SYCP1: variants seen among roughly 807,000 people sequenced by gnomAD.
The protein encoded by SYCP1 is synaptonemal complex protein 1, also known as cancer/testis antigen 8.
Under a neutral mutation model 153.1 loss-of-function variants are expected in SYCP1, and 64 were observed. That is an observed-to-expected ratio of 0.42 (90% confidence interval 0.34 to 0.51). The LOEUF is 0.51. SYCP1 is among the 20% of genes least tolerant of loss of function. The pLI is 0.06. For synonymous variants in SYCP1, 384 were observed against 341.8 expected (o/e 1.12, Z -1.36); for missense variants, 997 against 1,049.0 (o/e 0.95, Z 0.68).
At chr1:114,893,255 T>C (rs1201125344) in intron 15 of SYCP1, among the ~76,000 whole-genome samples, 1 of 152,216 alleles carries the variant, frequency 6.6e-6, no homozygotes, top group Non-Finnish European at 1.5e-5. Context: ...GAGGTATCTC[T>C]ATCCTATCTC....
intron 20 of SYCP1, among the ~76,000 whole-genome samples, chr1:114,923,105 G>T (rs1311751262): frequency 1.3e-5 from 2 of 152,232 alleles, no homozygotes; most frequent in East Asian, 3.9e-4. Flanking sequence ...TTGATATTTA[G>T]TTTCTCTTTT....
intron 27 of SYCP1, among the ~76,000 whole-genome samples, chr1:114,971,296 G>C (rs944725261): frequency 1.3e-5 from 2 of 152,134 alleles, no homozygotes; most frequent in African/African-American, 2.4e-5. Context: ...TGTGAGGGGT[G>C]GGGTAGTGGT....
intron 27 of SYCP1, among the ~76,000 whole-genome samples, chr1:114,955,206 G>C (rs941340282): frequency 6.6e-6 from 1 of 152,028 alleles, no homozygotes; most frequent in African/African-American, 2.4e-5. Context: ...GGATTACCTT[G>C]GTTGATTTTT....
chr1:114,855,299 G>T, intron 1 of SYCP1, 142 bp from the exon 2 acceptor site: 1 of 437,710 alleles, frequency 2.3e-6, no homozygotes, highest in Non-Finnish European at 4.1e-6. Context: ...ACGTTGTAGG[G>T]CTCCACTGTA....
At chr1:114,968,856 G>T (rs918819554) in intron 27 of SYCP1, among the ~76,000 whole-genome samples, 2 of 152,176 alleles carry the variant, frequency 1.3e-5, no homozygotes, top group Non-Finnish European at 2.9e-5. Flanking sequence ...TTCAGTTGGG[G>T]TTTTTGCGTG....
chr1:114,879,415 A>G (rs1665759947), intron 12 of SYCP1, among the ~76,000 whole-genome samples: 1 of 152,160 alleles, frequency 6.6e-6, no homozygotes, highest in East Asian at 1.9e-4. Context: ...AACTTCATCT[A>G]TATTTTGTGC....
chr1:114,987,399 G>A (rs1673587984), intron 30 of SYCP1, among the ~76,000 whole-genome samples: 1 of 152,038 alleles, frequency 6.6e-6, no homozygotes, highest in African/African-American at 2.4e-5. Context: ...AGGCACAATA[G>A]CTCACGCCTG....
intron 23 of SYCP1, among the ~76,000 whole-genome samples, chr1:114,935,275 A>T (rs1046892190): frequency 6.6e-6 from 1 of 152,320 alleles, no homozygotes; most frequent in African/African-American, 2.4e-5. Flanking sequence ...ACTCAACTAC[A>T]TGGAAACTGA....
At chr1:114,949,237 C>T (rs1670938503) in intron 27 of SYCP1, among the ~76,000 whole-genome samples, 4 of 152,076 alleles carry the variant, frequency 2.6e-5, no homozygotes, top group Admixed American at 2.6e-4. Flanking sequence ...ATAAGCCCTG[C>T]CTTGGGTGGA....
intron 27 of SYCP1, among the ~76,000 whole-genome samples, chr1:114,966,468 T>G (rs1040563785): frequency 3.9e-5 from 6 of 152,202 alleles, no homozygotes; most frequent in African/African-American, 1.4e-4. Context: ...TCCCACTTTC[T>G]GATGTGGGCA....
intron 23 of SYCP1, among the ~76,000 whole-genome samples, chr1:114,927,793 A>G (rs979381086): frequency 6.6e-6 from 1 of 151,932 alleles, no homozygotes; most frequent in African/African-American, 2.4e-5. Context: ...GGAGTCCCCA[A>G]GTAAGAAGAG....
intron 24 of SYCP1, 30 bp from the exon 25 acceptor site, chr1:114,944,842 A>G (rs372540469): frequency 6.8e-7 from 1 of 1,472,656 alleles, no homozygotes; most frequent in Non-Finnish European, 9.2e-7. Context: ...ATTTATTTTA[A>G]GAAACTTTTT....
intron 28 of SYCP1, 93 bp downstream of exon 28, chr1:114,977,709 C>A (rs1401509535): frequency 2.7e-6 from 2 of 750,106 alleles, no homozygotes; most frequent in Non-Finnish European, 4.2e-6. Flanking sequence ...AGGAAAATAA[C>A]ATTTTACATA....
At chr1:114,878,011 C>A in intron 11 of SYCP1, 83 bp from the exon 12 acceptor site, 1 of 802,168 alleles carries the variant, frequency 1.2e-6, no homozygotes, top group Non-Finnish European at 1.9e-6. Flanking sequence ...TAGACAAGTA[C>A]ATAAAATAAT....
intron 8 of SYCP1, among the ~76,000 whole-genome samples, chr1:114,868,253 C>T (rs55717207): frequency 0.061 from 9,256 of 152,036 alleles, 321 homozygotes; most frequent in Middle Eastern, 0.14. Context: ...ATCCTCCTGC[C>T]TCAGCCTCCT....
intron 16 of SYCP1, among the ~76,000 whole-genome samples, chr1:114,901,531 C>T (rs957361335): frequency 6.6e-6 from 1 of 152,044 alleles, no homozygotes; most frequent in Non-Finnish European, 1.5e-5. Flanking sequence ...GATATGAAAC[C>T]ATAAAGGACT....
chr1:114,878,364 G>A (rs990811042), intron 12 of SYCP1, among the ~76,000 whole-genome samples, 162 bp downstream of exon 12: 1 of 151,932 alleles, frequency 6.6e-6, no homozygotes, highest in Non-Finnish European at 1.5e-5. Context: ...AACCTGGGGA[G>A]CTTTTGTAAA....
At chr1:114,880,827 T>C (rs1665870332) in intron 12 of SYCP1, among the ~76,000 whole-genome samples, 1 of 152,192 alleles carries the variant, frequency 6.6e-6, no homozygotes, top group East Asian at 1.9e-4. Context: ...GTTGGTATGC[T>C]ACTAACTACT....
Position 114,946,316 on chromosome 1 carries a change from A to G in SYCP1, c.2182A>G (p.Arg728Gly). 2 of 1,584,628 alleles carry G rather than the reference A, an allele frequency of 1.3e-6. No homozygotes were observed. The highest frequency in any genetic ancestry group is 1.7e-6 in the Non-Finnish European group (2 of 1,168,698). The change falls in exon 26 of 32, where the codon AGA becomes GGA. Residue 728 changes from arginine (R) to glycine (G), a missense_variant. Physicochemically the swap from Arg to Gly is moderately radical, Grantham distance 125. Transcript: ENST00000369522. Reference protein sequence around the residue: ...KHQYDKIIEERDSELGLYKSK... With the variant: ...KHQYDKIIEEGDSELGLYKSK... ...CCAATATGATAAGATCATTGAAGAA[A>G]GAGACTCAGAATTAGGACTTTATAA...
Sources: gnomAD v4.1 joint callset for allele counts (sites outside exome capture counted in the v4.1 genomes callset) on GRCh38, gnomAD v4.1.1 for gene constraint, MANE v1.5 for transcripts, NCBI Gene and HGNC (gene_info 2026-07-23, HGNC 2026-07-21) for gene names.